The following PDE4D variants were observed in gnomAD, a reference collection of about 807,000 sequenced individuals.
The protein encoded by PDE4D is 3',5'-cyclic-AMP phosphodiesterase 4D.
In PDE4D, 24 loss-of-function variants were observed where a neutral mutation model predicts 87.4. The observed-to-expected ratio is 0.27, with a 90% confidence interval of 0.20 to 0.39. The LOEUF (loss-of-function observed/expected upper bound fraction) is 0.39, where lower values mean the gene tolerates loss of function less well. Among genes scored for constraint, PDE4D ranks in the 10% least tolerant of loss-of-function variants. The pLI is 1.00. For missense variants in PDE4D, 714 were observed against 1,041.0 expected (o/e 0.69, Z 4.32); for synonymous variants, 384 against 383.2 (o/e 1.00, Z -0.02).
chr5:59,308,866 G>T (rs911981878), intron 1 of PDE4D, among the ~76,000 whole-genome samples: 1 of 151,968 alleles, frequency 6.6e-6, no homozygotes, highest in Non-Finnish European at 1.5e-5. Context: ...ACCATCAGGT[G>T]GGGGCAAGGC....
At position 60,257,250 on chromosome 5, in the gene PDE4D, AAG is replaced by A. The variant is rs1491006269; in HGVS notation, c.-89-71565_-89-71564del. On this transcript the variant is annotated intron_variant, in intron 1 of 16. Coordinates refer to the PDE4D transcript ENST00000502484. ...AAAGAAAGAAAGAAAGAAAGAAAGA[AAG>A]AAAAGAAAAGAAAGAGAGAAAGAGA... Among the ~76,000 whole-genome samples the A allele has an allele frequency of 4.8e-5, 7 of 145,808 alleles. No homozygotes were observed. In the East Asian group the frequency reaches 1.5e-3, roughly 32 times the overall value.
At chr5:60,248,925 G>A (rs1041919628) in intron 1 of PDE4D, among the ~76,000 whole-genome samples, 4 of 151,936 alleles carry the variant, frequency 2.6e-5, no homozygotes, top group East Asian at 1.9e-4. Context: ...CCTGATTGAG[G>A]AGCAGCTGGC....
At chr5:59,091,607 C>A (rs1290305199) in intron 5 of PDE4D, among the ~76,000 whole-genome samples, 39 of 151,914 alleles carry the variant, frequency 2.6e-4, no homozygotes, top group Non-Finnish European at 1.5e-5. Flanking sequence ...TTTTGGCATG[C>A]ATACATACGT....
chr5:59,946,775 G>A (rs979969740), intron 3 of PDE4D, among the ~76,000 whole-genome samples: 3 of 152,126 alleles, frequency 2.0e-5, no homozygotes, highest in Non-Finnish European at 2.9e-5. Context: ...ACTGCTACAC[G>A]CATATTAGGA....
intron 3 of PDE4D, among the ~76,000 whole-genome samples, chr5:59,964,441 CT>C (rs1190818053): frequency 6.6e-6 from 1 of 152,168 alleles, no homozygotes; most frequent in Non-Finnish European, 1.5e-5. Context: ...TGGCTCTCTT[CT>C]TTAACAATAC....
At chr5:59,991,394 A>G (rs1395887047) in intron 2 of PDE4D, among the ~76,000 whole-genome samples, 1 of 152,162 alleles carries the variant, frequency 6.6e-6, no homozygotes, top group Non-Finnish European at 1.5e-5. Context: ...TCTGATCCCA[A>G]TGCGGAGGGT....
rs555510814 is a variant in PDE4D, at chr5:59,000,593, G to T, written c.922-7128C>A. ...AGGGGTGGGACCACTTGCAATTCTG[G>T]GGGGAGGGAAATGTGAAAGCTAGGG... is the stretch of plus-strand genomic sequence containing the variant. On this transcript the variant is annotated intron_variant, in intron 6 of 14. Coordinates refer to ENST00000340635, the MANE Select transcript of PDE4D (RefSeq NM_001104631.2). Among the ~76,000 whole-genome samples, 4 of 152,128 alleles carry T rather than the reference G, an allele frequency of 2.6e-5. No individual in the cohort carries two copies. The East Asian group carries it at 5.8e-4, about 22-fold the overall frequency.
At chr5:59,960,730 GGGCT>G (rs1759378941) in intron 3 of PDE4D, among the ~76,000 whole-genome samples, 1 of 152,060 alleles carries the variant, frequency 6.6e-6, no homozygotes, top group Non-Finnish European at 1.5e-5. Context: ...GAGGAGGCAA[GGGCT>G]GAAAAACTTC....
At chr5:60,326,984 GA>G (rs1235868276) in intron 1 of PDE4D, among the ~76,000 whole-genome samples, 1 of 152,050 alleles carries the variant, frequency 6.6e-6, no homozygotes, top group African/African-American at 2.4e-5. Context: ...AACTCCCTAA[GA>G]AGTCTGAGAG....
chr5:59,042,795 G>A (rs927100596), intron 5 of PDE4D, among the ~76,000 whole-genome samples: 3 of 152,126 alleles, frequency 2.0e-5, no homozygotes, highest in Admixed American at 6.5e-5. Flanking sequence ...CAATTCTTGC[G>A]GGCCAGCACT....
At chr5:59,992,507 T>C (rs1487674881) in intron 2 of PDE4D, among the ~76,000 whole-genome samples, 2 of 152,176 alleles carry the variant, frequency 1.3e-5, no homozygotes, top group South Asian at 2.1e-4. Flanking sequence ...TGGATGAACA[T>C]AGAAAAGAAG....
At chr5:60,268,072 G>A (rs1020695700) in intron 1 of PDE4D, among the ~76,000 whole-genome samples, 2 of 152,106 alleles carry the variant, frequency 1.3e-5, no homozygotes, top group African/African-American at 4.8e-5. Context: ...GCAGGCACCA[G>A]GTAGAGAGAA....
chr5:59,821,102 G>A (rs977439895), intron 1 of PDE4D, among the ~76,000 whole-genome samples: 6 of 151,902 alleles, frequency 3.9e-5, no homozygotes, highest in Admixed American at 1.3e-4. Context: ...GAGTGGTGGC[G>A]GGCACCTGTA....
At chr5:59,206,676 A>C (rs1033110285) in intron 2 of PDE4D, among the ~76,000 whole-genome samples, 2 of 152,190 alleles carry the variant, frequency 1.3e-5, no homozygotes, top group Non-Finnish European at 2.9e-5. Flanking sequence ...TCTTACTTTC[A>C]TGGATCTATG....
chr5:59,355,261 G>A (rs573192487), intron 1 of PDE4D, among the ~76,000 whole-genome samples: 1 of 152,280 alleles, frequency 6.6e-6, no homozygotes, highest in East Asian at 1.9e-4. Flanking sequence ...GCCAAATTGA[G>A]AAGGCAAGGT....
At chr5:59,183,097 A>T (rs1050612124) in intron 4 of PDE4D, among the ~76,000 whole-genome samples, 5 of 152,226 alleles carry the variant, frequency 3.3e-5, no homozygotes, top group Non-Finnish European at 7.3e-5. Context: ...AGGCAGAGTT[A>T]CAGCACTTTG....
intron 2 of PDE4D, chr5:60,185,499 A>G (rs1784707674): frequency 1.7e-6 from 2 of 1,198,476 alleles, no homozygotes; most frequent in Non-Finnish European, 2.4e-6. Flanking sequence ...CCAAAACCAA[A>G]ACTAAAATGT....
At chr5:59,941,596 AT>A (rs1757189176) in intron 3 of PDE4D, among the ~76,000 whole-genome samples, 1 of 152,148 alleles carries the variant, frequency 6.6e-6, no homozygotes, top group South Asian at 2.1e-4. Flanking sequence ...GATTAAGAAT[AT>A]TTATTTTATG....
At chr5:59,999,542 C>CA (rs1561963189) in intron 2 of PDE4D, among the ~76,000 whole-genome samples, 1 of 88,354 alleles carries the variant, frequency 1.1e-5, no homozygotes, top group Non-Finnish European at 2.3e-5. Flanking sequence ...AAAAAAAAAA[C>CA]AAAACAAAAC....
Sources: gnomAD v4.1 joint callset for allele counts (sites outside exome capture counted in the v4.1 genomes callset) on GRCh38, gnomAD v4.1.1 for gene constraint, MANE v1.5 for transcripts, NCBI Gene and HGNC (gene_info 2026-07-23, HGNC 2026-07-21) for gene names.